Variants in RBM47 observed in about 807,000 individuals in gnomAD.
RBM47 encodes the protein RNA-binding protein 47.
In RBM47, 21 loss-of-function variants were observed where a neutral mutation model predicts 47.1. The observed-to-expected ratio is 0.45, with a 90% CI of 0.32 to 0.64. RBM47 has a LOEUF of 0.64. Ranked by LOEUF, RBM47 falls within the 30% of genes least tolerant of loss-of-function variation. The pLI is 0.05. For synonymous variants in RBM47, 375 were observed against 361.7 expected (o/e 1.04, Z -0.42); for missense variants, 708 against 870.9 (o/e 0.81, Z 2.35).
chr4:40,591,951 AT>A (rs1306539548), intron 1 of RBM47, among the ~76,000 whole-genome samples: 3 of 152,180 alleles, frequency 2.0e-5, no homozygotes, highest in Non-Finnish European at 4.4e-5. Context: ...GTTAATATAT[AT>A]TTTGGATGCC....
Position 40,437,090 on chromosome 4 carries a change from A to AAATATATATAT in RBM47, c.1124-444_1124-443insATATATATATT, listed in dbSNP as rs1256296949. ...CCCTGTCTCAAAAAAAAAAAAAAAA[A>AAATATATATAT]ATATATATATATATATATATAAAAT... On this transcript the variant is annotated intron_variant, in intron 4 of 6. Transcript: ENST00000295971. 1.0e-3 allele frequency among the ~76,000 whole-genome samples: 52 copies of AAATATATATAT among 49,800 alleles called. 4 individuals are homozygous for AAATATATATAT. The highest frequency in any genetic ancestry group is 5.3e-3 in the African/African-American group (49 of 9,164). 32.7% of individuals were successfully genotyped at this position (49,800 alleles called of 152,430 possible). A position where few individuals can be genotyped will look rare whatever the true frequency, so the allele number is the denominator to read the frequency against.
intron 2 of RBM47, among the ~76,000 whole-genome samples, chr4:40,518,158 C>CTTTTTTTTTTTTT (rs530465415): frequency 1.4e-5 from 1 of 70,690 alleles, no homozygotes; most frequent in Non-Finnish European, 2.5e-5. Context: ...CTTTTCTTTT[C>CTTTTTTTTTTTTT]TTTTTTTTTT....
intron 2 of RBM47, among the ~76,000 whole-genome samples, chr4:40,517,594 C>T (rs182447464): frequency 3.3e-5 from 5 of 152,302 alleles, no homozygotes; most frequent in African/African-American, 7.2e-5. Context: ...ATATATTCTA[C>T]GTACAGTCAG....
intron 1 of RBM47, among the ~76,000 whole-genome samples, chr4:40,570,881 A>C (rs575162098): frequency 6.6e-6 from 1 of 152,144 alleles, no homozygotes; most frequent in Non-Finnish European, 1.5e-5. Context: ...CTAACAGAGG[A>C]AACAGTGGAA....
chr4:40,433,541 G>C (rs1187656089), intron 5 of RBM47, among the ~76,000 whole-genome samples: 1 of 152,202 alleles, frequency 6.6e-6, no homozygotes, highest in Non-Finnish European at 1.5e-5. Flanking sequence ...CTTAGACGAA[G>C]AAGTGAGATC....
At chr4:40,617,325 G>A (rs1360725522) in intron 1 of RBM47, among the ~76,000 whole-genome samples, 6 of 152,100 alleles carry the variant, frequency 3.9e-5, no homozygotes, top group African/African-American at 7.2e-5. Context: ...TTAGAAGGCC[G>A]AGGCAGGCGG....
intron 2 of RBM47, among the ~76,000 whole-genome samples, chr4:40,495,039 T>C (rs1162586860): frequency 1.3e-5 from 2 of 152,136 alleles, no homozygotes; most frequent in Non-Finnish European, 2.9e-5. Context: ...ATTCCCCAGC[T>C]CAAGCGATCC....
At chr4:40,530,263 G>A (rs1266672920) in intron 2 of RBM47, among the ~76,000 whole-genome samples, 1 of 151,354 alleles carries the variant, frequency 6.6e-6, no homozygotes, top group Non-Finnish European at 1.5e-5. Flanking sequence ...ATTCTAGGTG[G>A]AGCATCTTCT....
chr4:40,498,054 T>TTATATATA (rs6148409), intron 2 of RBM47, among the ~76,000 whole-genome samples: 2,335 of 109,676 alleles, frequency 0.021, 109 homozygotes, highest in African/African-American at 0.057. Context: ...AGTGCTTGTT[T>TTATATATA]TATATATATA....
intron 2 of RBM47, among the ~76,000 whole-genome samples, chr4:40,536,908 G>A (rs548706458): frequency 1.3e-5 from 2 of 152,022 alleles, no homozygotes; most frequent in East Asian, 1.9e-4. Context: ...TGTATTTTTA[G>A]TAGAGATGAG....
rs2154247911 is a variant in RBM47, at chr4:40,495,034, C to A, written c.-154-28335G>T. 2.0e-5 allele frequency among the ~76,000 whole-genome samples: 3 copies of A among 152,114 alleles called. No individual in the cohort carries two copies. The South Asian group carries it at 6.2e-4, about 32-fold the overall frequency. ...GTTGCCTAGGCTAGTCTCGAATTCC[C>A]CAGCTCAAGCGATCCTCCTGCCTCA... On this transcript the variant is annotated intron_variant, in intron 2 of 6. Coordinates refer to ENST00000295971, the MANE Select transcript of RBM47 (RefSeq NM_001098634.2).
At chr4:40,519,264 C>A (rs1308564370) in intron 2 of RBM47, among the ~76,000 whole-genome samples, 2 of 151,138 alleles carry the variant, frequency 1.3e-5, no homozygotes, top group African/African-American at 4.9e-5. Context: ...CAACCTCTGA[C>A]CAGAACCAGT....
intron 1 of RBM47, among the ~76,000 whole-genome samples, chr4:40,546,336 G>A (rs1729035194): frequency 6.6e-6 from 1 of 152,004 alleles, no homozygotes; most frequent in Admixed American, 6.6e-5. Flanking sequence ...TTGTAGTAGA[G>A]ATGGGGTTTC....
chr4:40,451,824 T>A (rs181628404), intron 3 of RBM47, among the ~76,000 whole-genome samples: 4 of 152,236 alleles, frequency 2.6e-5, no homozygotes, highest in Non-Finnish European at 5.9e-5. Context: ...GGGGATACAG[T>A]GGTGGCTACT....
rs532978000 is a variant in RBM47 at position 40,579,639 on chromosome 4, A to G, written c.-239-35133T>C. On this transcript the variant is annotated intron_variant, in intron 1 of 6. Transcript: ENST00000295971. ...CCATCTTATGGAGGTGGTTCAAATCAGAGCACTTCTCCATACACGAGTCAA... is the reference window on the plus strand; with the variant it reads ...CCATCTTATGGAGGTGGTTCAAATCGGAGCACTTCTCCATACACGAGTCAA... 1.1e-4 allele frequency among the ~76,000 whole-genome samples: 17 copies of G among 152,318 alleles called. No homozygotes were observed. The South Asian group carries it at 3.3e-3, about 30-fold the overall frequency.
Position 40,460,156 on chromosome 4 carries a change from C to T in RBM47, c.-32+6421G>A, listed in dbSNP as rs543541475. ...TATATTGAATGCCAATGTTAATATC[C>T]CTTGAGCCGTCTTGGTAAAGTAGGT... On this transcript the variant is annotated intron_variant, in intron 3 of 6. Coordinates refer to ENST00000295971, the MANE Select transcript of RBM47 (RefSeq NM_001098634.2). 2.0e-5 allele frequency among the ~76,000 whole-genome samples: 3 copies of T among 152,056 alleles called. No individual in the cohort carries two copies. The South Asian group carries it at 6.2e-4, about 32-fold the overall frequency.
chr4:40,597,331 C>T (rs1214693712), intron 1 of RBM47, among the ~76,000 whole-genome samples: 1 of 151,954 alleles, frequency 6.6e-6, no homozygotes, highest in Non-Finnish European at 1.5e-5. Context: ...GGCAGTGGCT[C>T]ACACCTGTAA....
chr4:40,596,383 A>T (rs570577145), intron 1 of RBM47, among the ~76,000 whole-genome samples: 65 of 152,310 alleles, frequency 4.3e-4, no homozygotes, highest in African/African-American at 1.5e-3. Flanking sequence ...TTCCTGGTGC[A>T]GGCACATGTA....
intron 1 of RBM47, among the ~76,000 whole-genome samples, chr4:40,559,696 G>A (rs960854177): frequency 1.3e-5 from 2 of 152,008 alleles, no homozygotes; most frequent in Non-Finnish European, 2.9e-5. Flanking sequence ...CACCCAAATC[G>A]GGAAGACTCT....
Sources: allele counts gnomAD v4.1 joint callset (sites outside exome capture counted in the v4.1 genomes callset), GRCh38; gene constraint gnomAD v4.1.1; transcripts MANE v1.5; gene names NCBI Gene and HGNC (gene_info 2026-07-23, HGNC 2026-07-21).